The following COL13A1 variants were observed in gnomAD, a reference collection of about 807,000 sequenced individuals.
The protein encoded by COL13A1 is collagen alpha-1(XIII) chain.
A neutral mutation model predicts 130.9 loss-of-function variants in COL13A1; 89 were observed. The ratio of observed to expected loss-of-function variants is 0.68; its 90% CI spans 0.57 to 0.81. The LOEUF is 0.81. Ranked by LOEUF, COL13A1 falls within the 30% of genes least tolerant of loss-of-function variation. The probability of loss-of-function intolerance (pLI) is 0.00; values close to 1 mark genes in which losing one functional copy is unlikely to be tolerated. For missense variants in COL13A1, 879 were observed against 934.6 expected (o/e 0.94, Z 0.78); for synonymous variants, 402 against 341.6 (o/e 1.18, Z -1.95).
At chr10:69,887,579 C>CCCA (rs1445179468) in intron 8 of COL13A1, 88 bp downstream of exon 8, 1 of 1,394,390 alleles carries the variant, frequency 7.2e-7, no homozygotes, top group Non-Finnish European at 1.0e-6. Flanking sequence ...GCCCCGGTTC[C>CCCA]ACTCTTTCTC....
intron 1 of COL13A1, among the ~76,000 whole-genome samples, chr10:69,805,543 T>G (rs1034665137): frequency 4.6e-5 from 7 of 152,190 alleles, no homozygotes; most frequent in Admixed American, 3.3e-4. Context: ...TAAATAAAAT[T>G]TAAATTTTAG....
At chr10:69,814,557 T>G (rs1018019466) in intron 1 of COL13A1, among the ~76,000 whole-genome samples, 1 of 152,344 alleles carries the variant, frequency 6.6e-6, no homozygotes, top group Admixed American at 6.5e-5. Flanking sequence ...TTTTTTTGCC[T>G]CATCTCATTT....
chr10:69,829,836 C>G (rs957528915), intron 2 of COL13A1, among the ~76,000 whole-genome samples: 1 of 152,244 alleles, frequency 6.6e-6, no homozygotes, highest in Admixed American at 6.5e-5. Context: ...AGCCTTTTCT[C>G]TCAAGGCCCT....
intron 1 of COL13A1, among the ~76,000 whole-genome samples, chr10:69,807,255 C>G (rs942571): frequency 0.52 from 79,565 of 151,942 alleles, 21,039 homozygotes; most frequent in Non-Finnish European, 0.56. Flanking sequence ...GACTGACATT[C>G]ACACCACCCC....
intron 1 of COL13A1, among the ~76,000 whole-genome samples, chr10:69,816,731 G>A (rs1435855507): frequency 6.6e-6 from 1 of 152,148 alleles, no homozygotes; most frequent in African/African-American, 2.4e-5. Context: ...AAGAAGGGGG[G>A]TGAGCAAAGG....
chr10:69,938,658 T>C (rs2067249368), intron 34 of COL13A1, among the ~76,000 whole-genome samples: 1 of 152,062 alleles, frequency 6.6e-6, no homozygotes, highest in African/African-American at 2.4e-5. Flanking sequence ...AGAGAAACAA[T>C]GGAAAGCCCA....
intron 2 of COL13A1, among the ~76,000 whole-genome samples, chr10:69,837,542 G>C (rs1850427253): frequency 2.6e-5 from 4 of 152,316 alleles, no homozygotes; most frequent in Admixed American, 2.6e-4. Flanking sequence ...AAACTGATTG[G>C]ACCCTGAAGC....
intron 10 of COL13A1, among the ~76,000 whole-genome samples, chr10:69,891,642 C>T (rs2061182296): frequency 6.6e-6 from 1 of 152,218 alleles, no homozygotes; most frequent in Admixed American, 6.5e-5. Context: ...AAGAAACTGC[C>T]ATGCCACATT....
At chr10:69,814,148 C>A (rs372179029) in intron 1 of COL13A1, among the ~76,000 whole-genome samples, 32 of 152,226 alleles carry the variant, frequency 2.1e-4, no homozygotes, top group African/African-American at 5.8e-4. Flanking sequence ...TGCCCTGTGC[C>A]AGGCATTGTG....
intron 39 of COL13A1, 82 bp downstream of exon 39, chr10:69,953,050 T>A: frequency 9.5e-7 from 1 of 1,053,212 alleles, no homozygotes; most frequent in Non-Finnish European, 1.3e-6. Context: ...GCAAATAAAC[T>A]AAGATGAGAA....
At chr10:69,846,368 C>T (rs1477237592) in intron 2 of COL13A1, among the ~76,000 whole-genome samples, 1 of 151,556 alleles carries the variant, frequency 6.6e-6, no homozygotes, top group Non-Finnish European at 1.5e-5. Flanking sequence ...GGACATAACC[C>T]GAGCTGGGGT....
chr10:69,818,731 T>C (rs773903648), intron 1 of COL13A1, among the ~76,000 whole-genome samples: 3 of 152,154 alleles, frequency 2.0e-5, no homozygotes, highest in Non-Finnish European at 4.4e-5. Context: ...CAGGAGAAGA[T>C]GGATGGTCCA....
chr10:69,819,599 G>A (rs528543869), intron 1 of COL13A1, among the ~76,000 whole-genome samples: 24 of 152,244 alleles, frequency 1.6e-4, no homozygotes, highest in African/African-American at 4.3e-4. Flanking sequence ...GCCTTTGGGG[G>A]AGAGTGTGAC....
At chr10:69,870,993 C>T (rs904975454) in intron 3 of COL13A1, among the ~76,000 whole-genome samples, 1 of 151,946 alleles carries the variant, frequency 6.6e-6, no homozygotes, top group Non-Finnish European at 1.5e-5. Context: ...TGGATGATGT[C>T]GGTTGTAAGG....
intron 18 of COL13A1, among the ~76,000 whole-genome samples, chr10:69,917,897 G>T (rs889904235): frequency 2.6e-5 from 4 of 151,764 alleles, no homozygotes; most frequent in African/African-American, 9.7e-5. Context: ...CCATTCTCCT[G>T]CCGTCTCCCT....
Position 69,922,743 on chromosome 10 carries a change from A to G in COL13A1, c.1179A>G (p.Gly393=). The G allele has an allele frequency of 6.2e-7, 1 of 1,606,650 alleles. No individual in the cohort carries two copies. The highest frequency in any genetic ancestry group is 8.5e-7 in the Non-Finnish European group (1 of 1,177,018). ...GCGATGCTGGCAACTCCATTGGAGG[A>G]GGCAGAGGGGAACCTGGCCCTCCAG... ...EKGDAGNSIG[G]GRGEPGPPGL... Residue 393 remains glycine (G), a synonymous_variant, in exon 23 of 41, where the codon GGA becomes GGG. Coordinates refer to ENST00000645393, the MANE Select transcript of COL13A1 (RefSeq NM_001368882.1).
intron 27 of COL13A1, among the ~76,000 whole-genome samples, chr10:69,928,256 C>T (rs1322430760): frequency 2.0e-5 from 3 of 152,006 alleles, no homozygotes; most frequent in Non-Finnish European, 4.4e-5. Flanking sequence ...AGAAAAGGTA[C>T]TCATTTTAGG....
chr10:69,829,468 C>T (rs1003010211), intron 2 of COL13A1, among the ~76,000 whole-genome samples: 1 of 152,200 alleles, frequency 6.6e-6, no homozygotes, highest in Non-Finnish European at 1.5e-5. Flanking sequence ...GTTGTCTGAC[C>T]ACATTTGGAG....
intron 39 of COL13A1, among the ~76,000 whole-genome samples, chr10:69,953,262 G>C (rs954636131): frequency 6.6e-6 from 1 of 152,228 alleles, no homozygotes; most frequent in Non-Finnish European, 1.5e-5. Context: ...TTCAGGGAAG[G>C]CCTCAGCTCT....
Sources: gnomAD v4.1 joint callset for allele counts (sites outside exome capture counted in the v4.1 genomes callset) on GRCh38, gnomAD v4.1.1 for gene constraint, MANE v1.5 for transcripts, NCBI Gene and HGNC (gene_info 2026-07-23, HGNC 2026-07-21) for gene names.